Variants in CCDC7 observed in about 807,000 individuals in gnomAD.
CCDC7 encodes the protein coiled-coil domain-containing protein 7.
CCDC7 carries 183 observed loss-of-function variants against 196.9 expected under a neutral mutation model. The observed-to-expected ratio is 0.93, with a 90% CI of 0.82 to 1.05. CCDC7 has a LOEUF of 1.05. Ranked by LOEUF, CCDC7 falls within the 50% of genes least tolerant of loss-of-function variation. The pLI is 0.00. For missense variants in CCDC7, 1,540 were observed against 1,482.2 expected (o/e 1.04, Z -0.64); for synonymous variants, 525 against 484.6 (o/e 1.08, Z -1.10).
intron 8 of CCDC7, among the ~76,000 whole-genome samples, chr10:32,491,526 G>C (rs2990981): frequency 0.79 from 120,199 of 152,052 alleles, 49,280 homozygotes; most frequent in Non-Finnish European, 0.9. Context: ...AAGCAGTTCT[G>C]TTTTAGTATG....
At chr10:32,514,749 C>T (rs1166014776) in intron 9 of CCDC7, among the ~76,000 whole-genome samples, 1 of 152,182 alleles carries the variant, frequency 6.6e-6, no homozygotes, top group Non-Finnish European at 1.5e-5. Flanking sequence ...AACTACAAAA[C>T]ATCATTGAAA....
At chr10:32,498,959 T>C (rs761011199) in intron 9 of CCDC7, 1 of 152,142 alleles carries the variant, frequency 6.6e-6, no homozygotes, top group Non-Finnish European at 1.5e-5. Context: ...GTAGTTCTCC[T>C]GTATAATATC....
intron 18 of CCDC7, among the ~76,000 whole-genome samples, chr10:32,614,670 A>G (rs2062579858): frequency 6.6e-6 from 1 of 152,140 alleles, no homozygotes. Flanking sequence ...TTTAGTCTCC[A>G]TCAAAACCTG....
chr10:32,557,321 C>T (rs117713616), intron 13 of CCDC7, among the ~76,000 whole-genome samples: 186 of 149,160 alleles, frequency 1.2e-3, no homozygotes, highest in East Asian at 0.012. Context: ...CTTTGTTTTA[C>T]GTGAGCATGA....
At chr10:32,798,738 T>C (rs1318309200) in intron 29 of CCDC7, among the ~76,000 whole-genome samples, 1 of 152,252 alleles carries the variant, frequency 6.6e-6, no homozygotes, top group Admixed American at 6.5e-5. Flanking sequence ...CCAGGTGCAC[T>C]GCTCAAAGTT....
intron 28 of CCDC7, among the ~76,000 whole-genome samples, chr10:32,735,687 C>G (rs778317441): frequency 6.6e-6 from 1 of 152,016 alleles, no homozygotes; most frequent in African/African-American, 2.4e-5. Flanking sequence ...GTAAGTACAA[C>G]TTATCAATTT....
At chr10:32,450,662 A>G (rs1466130311), upstream of CCDC7, among the ~76,000 whole-genome samples, 2 of 152,168 alleles carry the variant, frequency 1.3e-5, no homozygotes, top group African/African-American at 4.8e-5. Flanking sequence ...AGACCTATCT[A>G]GTTTATACTT....
chr10:32,564,942 A>G (rs1208754826), intron 13 of CCDC7, among the ~76,000 whole-genome samples: 1 of 152,170 alleles, frequency 6.6e-6, no homozygotes, highest in African/African-American at 2.4e-5. Flanking sequence ...CCACTGCTGC[A>G]CTCTAGCCTG....
chr10:32,651,411 G>A (rs1015745457), intron 20 of CCDC7, among the ~76,000 whole-genome samples: 5 of 152,248 alleles, frequency 3.3e-5, no homozygotes, highest in Middle Eastern at 3.4e-3. Context: ...TGGTATAGTC[G>A]AAACTGTGAG....
rs2076735592 is a variant in CCDC7 at position 32,688,687 on chromosome 10, A to G, written c.2234-366A>G. Among the ~76,000 whole-genome samples, 3 of 152,198 alleles carry G rather than the reference A, an allele frequency of 2.0e-5. No homozygotes were observed. The South Asian group carries it at 6.2e-4, about 31-fold the overall frequency. ...TTTATATGCTTTACTCAACAGATCT[A>G]TGCTTGTATATTTAGGTGGTTTTGA... is the stretch of plus-strand genomic sequence containing the variant. On this transcript the variant is annotated intron_variant, in intron 22 of 41. Coordinates refer to ENST00000639629, the Ensembl canonical transcript of CCDC7.
At chr10:32,661,343 G>C (rs1052485293) in intron 20 of CCDC7, among the ~76,000 whole-genome samples, 1 of 151,606 alleles carries the variant, frequency 6.6e-6, no homozygotes, top group South Asian at 2.1e-4. Context: ...AGAGGATGTG[G>C]AGAAATAGGA....
At chr10:32,450,660 C>G (rs1050726090), upstream of CCDC7, among the ~76,000 whole-genome samples, 6 of 152,142 alleles carry the variant, frequency 3.9e-5, no homozygotes, top group Non-Finnish European at 8.8e-5. Flanking sequence ...CAAGACCTAT[C>G]TAGTTTATAC....
intron 28 of CCDC7, among the ~76,000 whole-genome samples, chr10:32,734,206 T>C (rs1246031484): frequency 6.6e-6 from 1 of 152,074 alleles, no homozygotes. Flanking sequence ...AAATTATCTG[T>C]ATAAAGAAAA....
At chr10:32,758,069 A>C (rs1458544876) in intron 28 of CCDC7, among the ~76,000 whole-genome samples, 1 of 152,198 alleles carries the variant, frequency 6.6e-6, no homozygotes, top group Non-Finnish European at 1.5e-5. Context: ...GAATCCCTGA[A>C]TAGACCAGTA....
intron 31 of CCDC7, among the ~76,000 whole-genome samples, chr10:32,820,737 T>C (rs1418965619): frequency 5.3e-5 from 8 of 152,182 alleles, no homozygotes; most frequent in African/African-American, 1.9e-4. Flanking sequence ...ATTTAATAAA[T>C]GGTGCTGAGA....
At chr10:32,511,775 C>G in intron 9 of CCDC7, 3 of 1,460,192 alleles carry the variant, frequency 2.1e-6, no homozygotes, top group South Asian at 2.3e-5. Flanking sequence ...TCCAGCCTCC[C>G]GGAAAGCGGT....
At chr10:32,806,058 A>G (rs1470677094) in intron 30 of CCDC7, among the ~76,000 whole-genome samples, 2 of 152,218 alleles carry the variant, frequency 1.3e-5, no homozygotes, top group Non-Finnish European at 2.9e-5. Flanking sequence ...TTGTGAGAAC[A>G]GCACCATTCC....
chr10:32,673,598 A>G (rs2074411781), intron 21 of CCDC7, among the ~76,000 whole-genome samples: 1 of 150,386 alleles, frequency 6.6e-6, no homozygotes. Flanking sequence ...CAATTTGTGT[A>G]TGTTAATTTT....
At chr10:32,778,552 T>A (rs1382178417) in intron 28 of CCDC7, among the ~76,000 whole-genome samples, 1 of 152,220 alleles carries the variant, frequency 6.6e-6, no homozygotes, top group Non-Finnish European at 1.5e-5. Flanking sequence ...TCTGTTTTTG[T>A]ACCAGTACAA....
Sources: allele counts gnomAD v4.1 joint callset (sites outside exome capture counted in the v4.1 genomes callset), GRCh38; gene constraint gnomAD v4.1.1; transcripts MANE v1.5; gene names NCBI Gene and HGNC (gene_info 2026-07-23, HGNC 2026-07-21).